The following OR2L13 variants were observed in gnomAD, a reference collection of about 807,000 sequenced individuals.
OR2L13 encodes the protein olfactory receptor 2L13.
OR2L13 carries 14 observed loss-of-function variants against 15.3 expected under a neutral mutation model. The observed-to-expected ratio is 0.91, with a 90% confidence interval of 0.60 to 1.43. The LOEUF is 1.43. OR2L13 is among the 40% of genes most tolerant of loss of function. The probability of loss-of-function intolerance (pLI) is 0.00; values close to 1 mark genes in which losing one functional copy is unlikely to be tolerated. For missense variants in OR2L13, 367 were observed against 387.9 expected, an observed-to-expected ratio of 0.95 and a Z score of 0.45; for synonymous variants, 152 against 142.9, an observed-to-expected ratio of 1.06 and a Z score of -0.45.
the OR2L13 span, chr1:247,966,335 A>T: frequency 6.2e-7 from 1 of 1,608,330 alleles, no homozygotes; most frequent in South Asian, 1.1e-5. Context: ...AGATCTCTGT[A>T]TTGATTGAGC....
chr1:247,985,316 G>A, the OR2L13 span, among the ~76,000 whole-genome samples: 7 of 151,300 alleles, frequency 4.6e-5, no homozygotes, highest in Non-Finnish European at 1.0e-4. Context: ...GTGTCCATGT[G>A]TTCTCATTGT....
the OR2L13 span, among the ~76,000 whole-genome samples, chr1:247,948,379 G>A: frequency 1.3e-5 from 2 of 152,036 alleles, no homozygotes; most frequent in Non-Finnish European, 2.9e-5. Flanking sequence ...TTTGCGTCAG[G>A]CAGTAAACCA....
the OR2L13 span, chr1:248,023,738 C>G: frequency 1.3e-5 from 2 of 152,270 alleles, no homozygotes; most frequent in East Asian, 1.9e-4. Flanking sequence ...CAGCTTAGGT[C>G]CATTCTCTGA....
chr1:248,066,081 C>T, the OR2L13 span, among the ~76,000 whole-genome samples: 1 of 152,170 alleles, frequency 6.6e-6, no homozygotes, highest in Non-Finnish European at 1.5e-5. Flanking sequence ...CCCCCATATA[C>T]CTCCTAGTAA....
chr1:247,991,025 C>A, the OR2L13 span: 2 of 1,538,694 alleles, frequency 1.3e-6, no homozygotes, highest in East Asian at 4.5e-5. Context: ...TACTATGCAC[C>A]CTTTGCTTAT....
the OR2L13 span, chr1:248,040,742 A>T: frequency 4.0e-4 from 61 of 152,318 alleles, no homozygotes; most frequent in African/African-American, 1.4e-3. Context: ...CAATAGTAGG[A>T]TATCAGTAGT....
chr1:247,951,487 T>C, the OR2L13 span, among the ~76,000 whole-genome samples: 41 of 152,358 alleles, frequency 2.7e-4, no homozygotes, highest in African/African-American at 9.4e-4. Context: ...TGTTCTCTTC[T>C]ATGACTAAAG....
chr1:247,992,908 A>G, the OR2L13 span, among the ~76,000 whole-genome samples: 5,146 of 152,214 alleles, frequency 0.034, 248 homozygotes, highest in African/African-American at 0.12. Flanking sequence ...TGGAATTTCT[A>G]GGTCAAATGG....
chr1:247,965,403 G>T, the OR2L13 span: 2 of 1,610,762 alleles, frequency 1.2e-6, no homozygotes, highest in Admixed American at 1.7e-5. Context: ...AAAGTTTTGG[G>T]ACAGATTTTC....
At chr1:248,083,369 A>G in the OR2L13 span, among the ~76,000 whole-genome samples, 1 of 152,168 alleles carries the variant, frequency 6.6e-6, no homozygotes, top group African/African-American at 2.4e-5. Context: ...TTTTTTAGAA[A>G]GTAGGATATA....
the OR2L13 span, among the ~76,000 whole-genome samples, chr1:248,070,786 A>C: frequency 1.7e-4 from 26 of 152,358 alleles, no homozygotes; most frequent in Admixed American, 3.3e-4. Flanking sequence ...AAAAATGATA[A>C]AGTGGATATC....
At chr1:247,967,923 C>CCTTCTTT in the OR2L13 span, among the ~76,000 whole-genome samples, 1 of 151,120 alleles carries the variant, frequency 6.6e-6, no homozygotes, top group South Asian at 2.1e-4. Context: ...TCTTCTTCTT[C>CCTTCTTT]CTTCTTTCTT....
the OR2L13 span, among the ~76,000 whole-genome samples, chr1:247,969,960 G>A: frequency 6.6e-5 from 10 of 152,190 alleles, no homozygotes; most frequent in South Asian, 6.2e-4. Flanking sequence ...GGTTAATTCC[G>A]CCAGGTTTTT....
chr1:247,983,702 CA>C, the OR2L13 span, among the ~76,000 whole-genome samples: 1 of 152,090 alleles, frequency 6.6e-6, no homozygotes, highest in Non-Finnish European at 1.5e-5. Flanking sequence ...CGTGAATAAT[CA>C]AAGAGACACT....
At chr1:247,949,014 C>G in the OR2L13 span, 1 of 1,613,870 alleles carries the variant, frequency 6.2e-7, no homozygotes, top group Non-Finnish European at 8.5e-7. Context: ...CTTGGACACC[C>G]ATCTCCACAC....
chr1:247,959,890 T>C, the OR2L13 span, among the ~76,000 whole-genome samples: 121,397 of 152,068 alleles, frequency 0.8, 52,649 homozygotes, highest in South Asian at 0.95. Context: ...GGTTCGAACT[T>C]CCTCCTTTAG....
At chr1:247,991,172 G>C in the OR2L13 span, 8 of 1,604,184 alleles carry the variant, frequency 5.0e-6, no homozygotes, top group African/African-American at 1.3e-5. Flanking sequence ...GCCCTGACAC[G>C]AGTGATTCAG....
the OR2L13 span, among the ~76,000 whole-genome samples, chr1:247,968,391 CTG>C: frequency 6.6e-6 from 1 of 151,972 alleles, no homozygotes; most frequent in African/African-American, 2.4e-5. Context: ...CATGTGCACA[CTG>C]TGCAGGTTTG....
chr1:247,984,068 AG>A, the OR2L13 span, among the ~76,000 whole-genome samples: 2 of 152,030 alleles, frequency 1.3e-5, no homozygotes, highest in Non-Finnish European at 2.9e-5. Context: ...GGGAGTTTTG[AG>A]GGTGCCTGAT....
Sources: allele counts gnomAD v4.1 joint callset (sites outside exome capture counted in the v4.1 genomes callset), GRCh38; gene constraint gnomAD v4.1.1; transcripts MANE v1.5; gene names NCBI Gene and HGNC (gene_info 2026-07-23, HGNC 2026-07-21).